QKI: variants seen among roughly 807,000 people sequenced by gnomAD.
The protein encoded by QKI is QKI, KH domain containing RNA binding.
In QKI, 10 loss-of-function variants were observed where a neutral mutation model predicts 39.0. The observed-to-expected ratio is 0.26, with a 90% CI of 0.16 to 0.43. The LOEUF is 0.43. Among genes scored for constraint, QKI ranks in the 20% least tolerant of loss-of-function variants. The probability of loss-of-function intolerance (pLI) is 1.00; values close to 1 mark genes in which losing one functional copy is unlikely to be tolerated. For synonymous variants in QKI, 204 were observed against 155.4 expected, an observed-to-expected ratio of 1.31 and a Z score of -2.33; for missense variants, 218 against 428.0, an observed-to-expected ratio of 0.51 and a Z score of 4.33.
At chr6:163,420,169 T>C (rs1284511282) in intron 1 of QKI, among the ~76,000 whole-genome samples, 1 of 149,234 alleles carries the variant, frequency 6.7e-6, no homozygotes, top group Non-Finnish European at 1.5e-5. Context: ...TTTTTTTTTT[T>C]TTTGGTGGTT....
intron 2 of QKI, among the ~76,000 whole-genome samples, chr6:163,459,798 T>G (rs1791210276): frequency 6.6e-6 from 1 of 152,182 alleles, no homozygotes; most frequent in South Asian, 2.1e-4. Context: ...GATAAACGAT[T>G]AAATTATTGA....
chr6:163,510,610 A>T (rs1779389076), intron 3 of QKI, among the ~76,000 whole-genome samples: 1 of 152,176 alleles, frequency 6.6e-6, no homozygotes, highest in Non-Finnish European at 1.5e-5. Context: ...AGGTAAGTTG[A>T]AAATAAATAG....
At chr6:163,457,466 C>G (rs1791003366) in intron 2 of QKI, 1 of 455,980 alleles carries the variant, frequency 2.2e-6, no homozygotes, top group Admixed American at 2.3e-5. Flanking sequence ...TCTCAAAACA[C>G]AGTCCTTGGA....
At chr6:163,447,249 A>ATTTT (rs4038332) in intron 1 of QKI, among the ~76,000 whole-genome samples, 18 of 120,186 alleles carry the variant, frequency 1.5e-4, no homozygotes, top group Admixed American at 3.4e-4. Context: ...GGTGCACGTG[A>ATTTT]TTTTTTTTTT....
At position 163,476,456 on chromosome 6, in the gene QKI, T is replaced by A. The variant is rs566217934; in HGVS notation, c.286-2324T>A. On this transcript the variant is annotated intron_variant, in intron 2 of 7. Coordinates refer to ENST00000361752, the MANE Select transcript of QKI (RefSeq NM_006775.3). ...GAAAATCTGAATTAGGAGCTTGTGTTCATGAACAGAGCTGTCCGCTGCCAA... is the reference window on the plus strand; with the variant it reads ...GAAAATCTGAATTAGGAGCTTGTGTACATGAACAGAGCTGTCCGCTGCCAA... Among the ~76,000 whole-genome samples the A allele has an allele frequency of 3.9e-5, 6 of 152,300 alleles. No individual in the cohort carries two copies. The South Asian group carries it at 1.2e-3, about 32-fold the overall frequency.
chr6:163,564,654 CT>C (rs746104508), intron 6 of QKI: 3 of 1,608,800 alleles, frequency 1.9e-6, no homozygotes, highest in Non-Finnish European at 1.7e-6. Context: ...TTACTGATGC[CT>C]TTTTTTTATA....
At chr6:163,453,889 A>G (rs1173819621) in intron 1 of QKI, among the ~76,000 whole-genome samples, 7 of 152,170 alleles carry the variant, frequency 4.6e-5, no homozygotes, top group African/African-American at 1.4e-4. Context: ...AGATTTTATA[A>G]CTGAGTAAGA....
At chr6:163,424,610 A>G (rs771556568) in intron 1 of QKI, among the ~76,000 whole-genome samples, 2 of 151,858 alleles carry the variant, frequency 1.3e-5, no homozygotes, top group Admixed American at 1.3e-4. Context: ...CTCTCATACT[A>G]TAAAGTAGCA....
At chr6:163,560,248 A>G (rs1434124724) in intron 4 of QKI, among the ~76,000 whole-genome samples, 2 of 152,218 alleles carry the variant, frequency 1.3e-5, no homozygotes, top group African/African-American at 4.8e-5. Context: ...AGTAGAAGCA[A>G]TTAACTTTGT....
rs533978900 is a variant in QKI at position 163,480,573 on chromosome 6, A to G, written c.402+1677A>G. ...ATTGATTATTTAAAAATCTTATTAT[A>G]ATGTATTCCTTGTCAACTGTGTTTA... On this transcript the variant is annotated intron_variant, in intron 3 of 7. Coordinates refer to ENST00000361752, the MANE Select transcript of QKI (RefSeq NM_006775.3). Among the ~76,000 whole-genome samples the G allele has an allele frequency of 2.6e-5, 4 of 152,346 alleles. No individual in the cohort carries two copies. The South Asian group carries it at 8.3e-4, about 32-fold the overall frequency.
intron 4 of QKI, among the ~76,000 whole-genome samples, chr6:163,557,636 TCAA>T (rs1472453029): frequency 6.6e-6 from 1 of 152,134 alleles, no homozygotes; most frequent in Non-Finnish European, 1.5e-5. Flanking sequence ...GTGACTACAG[TCAA>T]CAATAATTTA....
chr6:163,484,242 G>A (rs962407260), intron 3 of QKI, among the ~76,000 whole-genome samples: 7 of 144,792 alleles, frequency 4.8e-5, no homozygotes, highest in Non-Finnish European at 1.0e-4. Flanking sequence ...TCACTCTACC[G>A]CCCAGGCTGG....
chr6:163,415,809 C>T (rs1787411304), intron 1 of QKI: 2 of 443,696 alleles, frequency 4.5e-6, no homozygotes, highest in South Asian at 3.2e-5. Flanking sequence ...CCCACCGCCC[C>T]GCGTTCGGGA....
chr6:163,493,054 A>G (rs1326130036), intron 3 of QKI, among the ~76,000 whole-genome samples: 2 of 152,082 alleles, frequency 1.3e-5, no homozygotes, highest in Non-Finnish European at 2.9e-5. Flanking sequence ...ATGTGTTAAT[A>G]CATATTTTGA....
chr6:163,501,841 T>G (rs1051555782), intron 3 of QKI, among the ~76,000 whole-genome samples: 1 of 152,232 alleles, frequency 6.6e-6, no homozygotes, highest in African/African-American at 2.4e-5. Context: ...GCAGCTATAA[T>G]GCCTTTATTT....
chr6:163,453,314 A>G (rs999536464), intron 1 of QKI, among the ~76,000 whole-genome samples: 3 of 152,064 alleles, frequency 2.0e-5, no homozygotes, highest in East Asian at 3.8e-4. Flanking sequence ...AATTTTATCT[A>G]TAGTTTTCTT....
chr6:163,532,275 GAC>G (rs536922312), intron 3 of QKI, among the ~76,000 whole-genome samples: 1 of 152,068 alleles, frequency 6.6e-6, no homozygotes, highest in Non-Finnish European at 1.5e-5. Context: ...ATTAGTGTTT[GAC>G]ACACACACAT....
At chr6:163,420,063 C>T (rs1787861414) in intron 1 of QKI, among the ~76,000 whole-genome samples, 1 of 151,472 alleles carries the variant, frequency 6.6e-6, no homozygotes, top group Non-Finnish European at 1.5e-5. Context: ...ATAAAACCCT[C>T]ATGCTTTGAC....
At chr6:163,433,217 A>T (rs1258119117) in intron 1 of QKI, among the ~76,000 whole-genome samples, 3 of 152,184 alleles carry the variant, frequency 2.0e-5, no homozygotes, top group Non-Finnish European at 4.4e-5. Flanking sequence ...GTACATGGTA[A>T]CTGCAGATAG....
Sources: allele counts gnomAD v4.1 joint callset (sites outside exome capture counted in the v4.1 genomes callset), GRCh38; gene constraint gnomAD v4.1.1; transcripts MANE v1.5; gene names NCBI Gene and HGNC (gene_info 2026-07-23, HGNC 2026-07-21).